Variants in CASZ1 observed in about 807,000 individuals in gnomAD.
CASZ1 encodes zinc finger protein castor homolog 1.
CASZ1 carries 28 observed loss-of-function variants against 135.2 expected under a neutral mutation model. That is an observed-to-expected ratio of 0.21 (90% CI 0.15 to 0.28). The LOEUF is 0.28. CASZ1 is among the 10% of genes least tolerant of loss of function. The pLI is 1.00. For synonymous variants in CASZ1, 1,068 were observed against 1,073.4 expected, an observed-to-expected ratio of 0.99 and a Z score of 0.10; for missense variants, 2,161 against 2,453.3, an observed-to-expected ratio of 0.88 and a Z score of 2.52.
chr1:10,775,294 AC>A (rs1207642653), intron 1 of CASZ1, among the ~76,000 whole-genome samples: 1 of 151,100 alleles, frequency 6.6e-6, no homozygotes, highest in Non-Finnish European at 1.5e-5. Flanking sequence ...CTCTCCTATC[AC>A]CCCTTTCATT....
chr1:10,652,269 C>T (rs545985186), intron 11 of CASZ1: 2 of 152,260 alleles, frequency 1.3e-5, no homozygotes, highest in Non-Finnish European at 2.9e-5. Flanking sequence ...GCATCTAGGC[C>T]CAGGAGCCCC....
At chr1:10,653,299 C>G (rs1205476579) in intron 11 of CASZ1, 78 bp downstream of exon 11, 2 of 1,431,700 alleles carry the variant, frequency 1.4e-6, no homozygotes, top group Admixed American at 3.4e-5. Context: ...CCCCCCGACT[C>G]TGCTCTGCAG....
At position 10,638,108 on chromosome 1, in the gene CASZ1, T is replaced by A. The variant is rs559975152; in HGVS notation, c.*834A>T. The A allele has an allele frequency of 6.6e-6, 1 of 152,558 alleles. No homozygotes were observed. The highest frequency in any genetic ancestry group is 2.1e-4 in the South Asian group (1 of 4,822). The allele number at this position is 152,558 out of a possible 1,614,324, so 9.5% of individuals were successfully genotyped here. A position where few individuals can be genotyped will look rare whatever the true frequency, so the allele number is the denominator to read the frequency against. On this transcript the variant is annotated 3_prime_UTR_variant, in exon 21 of 21. Coordinates refer to ENST00000377022, the MANE Select transcript of CASZ1 (RefSeq NM_001079843.3). This position sits in a 1 kb window ranked among gnomAD's most constrained non-coding sequence, Gnocchi z 5.9. Reference sequence around the variant, plus strand: ...GGGTCTGCACTCTCACCACGCCTGCTTTCTTCCTTTTTGTTCTATGTAGAA... The same window carrying A: ...GGGTCTGCACTCTCACCACGCCTGCATTCTTCCTTTTTGTTCTATGTAGAA...
At chr1:10,728,313 C>T (rs1229921870) in intron 2 of CASZ1, among the ~76,000 whole-genome samples, 1 of 152,252 alleles carries the variant, frequency 6.6e-6, no homozygotes, top group African/African-American at 2.4e-5. Context: ...ACCCTCCCGC[C>T]CCCTCTGTGC....
chr1:10,739,406 G>A lies in CASZ1; in HGVS notation c.-77+21295C>T, dbSNP rs1321800447. Among the ~76,000 whole-genome samples the A allele has an allele frequency of 2.6e-5, 4 of 152,020 alleles. No individual in the cohort carries two copies. The highest frequency in any genetic ancestry group is 6.5e-5 in the Admixed American group (1 of 15,272). The stretch of plus-strand genomic sequence containing the variant: ...GGTGAGGAGGAGGAGGACCACATGC[G>A]CAGGGAAGGGCATGGGGCACAGCAT... On this transcript the variant is annotated intron_variant, in intron 2 of 20. Coordinates refer to ENST00000377022, the MANE Select transcript of CASZ1 (RefSeq NM_001079843.3). This position sits in a 1 kb window ranked among gnomAD's most constrained non-coding sequence, Gnocchi z 4.8.
intron 4 of CASZ1, among the ~76,000 whole-genome samples, chr1:10,672,709 C>T (rs1643445903): frequency 2.0e-5 from 3 of 152,124 alleles, no homozygotes; most frequent in Admixed American, 1.3e-4. Context: ...TTATGTTTGT[C>T]CCTCAATAGA....
chr1:10,727,703 A>C lies in CASZ1; in HGVS notation c.-76-22159T>G, dbSNP rs1639622638. 6.6e-6 allele frequency among the ~76,000 whole-genome samples: 1 copy of C among 152,138 alleles called. No homozygotes were observed. The highest frequency in any genetic ancestry group is 2.4e-5 in the African/African-American group (1 of 41,434). ...GCACCCTAGGGTTCAGGGTGCTAGG[A>C]AGCAAAAGTGGAGCTGAGAAGCTGG... On this transcript the variant is annotated intron_variant, in intron 2 of 20. Transcript: ENST00000377022. The surrounding 1 kb of genome is among the most constrained non-coding windows in gnomAD (Gnocchi z 5.3).
At position 10,660,418 on chromosome 1, in the gene CASZ1, C is replaced by G; in HGVS notation, c.624G>C (p.Lys208Asn). 6.2e-7 allele frequency: 1 copy of G among 1,614,210 alleles called. No homozygotes were observed. The highest frequency in any genetic ancestry group is 2.2e-5 in the East Asian group (1 of 44,880). ...DELARKISFEKLHAGSTPEAA... is the reference protein window; with the variant it reads ...DELARKISFENLHAGSTPEAA... ...CCTCCGGGGTGGAGCCCGCGTGCAG[C>G]TTCTCAAAGCTGATCTTCCTGGCCA... is the stretch of plus-strand genomic sequence containing the variant. The change falls in exon 6 of 21, where the codon AAG (lysine) becomes AAC (asparagine). Residue 208 changes from lysine (K) to asparagine (N), a missense_variant. Physicochemically the swap from Lys to Asn is moderately conservative, Grantham distance 94. This residue lies in a region of CASZ1 where 590 missense variants were observed against 609.8 expected (regional missense o/e 0.97). Coordinates refer to ENST00000377022, the MANE Select transcript of CASZ1 (RefSeq NM_001079843.3).
intron 2 of CASZ1, among the ~76,000 whole-genome samples, chr1:10,734,898 A>G (rs1201831006): frequency 1.3e-5 from 2 of 152,088 alleles, no homozygotes; most frequent in Non-Finnish European, 2.9e-5. Context: ...ACTGTTTAAA[A>G]ACAATTACTG....
At chr1:10,723,156 G>C (rs879562737) in intron 2 of CASZ1, among the ~76,000 whole-genome samples, 2 of 152,230 alleles carry the variant, frequency 1.3e-5, no homozygotes, top group Non-Finnish European at 2.9e-5. Context: ...GCTGTAAACC[G>C]GACGTGGGAA....
intron 1 of CASZ1, among the ~76,000 whole-genome samples, chr1:10,772,909 C>T (rs529504236): frequency 8.1e-4 from 123 of 152,308 alleles, no homozygotes; most frequent in African/African-American, 2.7e-3. Flanking sequence ...TCTGGGACCT[C>T]CGCCTGCCAT....
intron 2 of CASZ1, among the ~76,000 whole-genome samples, chr1:10,712,563 C>T (rs1639305890): frequency 6.6e-6 from 1 of 152,032 alleles, no homozygotes; most frequent in Non-Finnish European, 1.5e-5. Context: ...AGGTGAGACA[C>T]GGTGACTTCA....
chr1:10,727,481 C>CCT lies in CASZ1; in HGVS notation c.-76-21938_-76-21937insAG, dbSNP rs1639618618. 6.6e-6 allele frequency among the ~76,000 whole-genome samples: 1 copy of CCT among 151,800 alleles called. No individual in the cohort carries two copies. Among genetic ancestry groups the CCT allele is most frequent in the Non-Finnish European group, 1.5e-5 (1 of 67,920 alleles). ...CGGGCCCAGGGGATTCAGCACAGCC[C>CCT]AACAGTGCCCCAGTGCCCACCCTCT... On this transcript the variant is annotated intron_variant, in intron 2 of 20. Transcript: ENST00000377022. This position sits in a 1 kb window ranked among gnomAD's most constrained non-coding sequence, Gnocchi z 5.3.
intron 5 of CASZ1, among the ~76,000 whole-genome samples, chr1:10,664,463 GC>G (rs1199993647): frequency 6.6e-6 from 1 of 152,172 alleles, no homozygotes; most frequent in Non-Finnish European, 1.5e-5. Flanking sequence ...GGGGACCGTG[GC>G]CGGGGCAGCT....
At chr1:10,703,813 T>C (rs1639112804) in intron 3 of CASZ1, among the ~76,000 whole-genome samples, 1 of 152,202 alleles carries the variant, frequency 6.6e-6, no homozygotes, top group Admixed American at 6.5e-5. Context: ...CATTCAACTC[T>C]CTCTGCAAGT....
At chr1:10,664,964 G>C in intron 5 of CASZ1, 119 bp downstream of exon 5, 1 of 1,185,600 alleles carries the variant, frequency 8.4e-7, no homozygotes, top group Non-Finnish European at 1.1e-6. Context: ...TGGGTGGGAT[G>C]AGGGGCCGGT....
chr1:10,663,445 C>T (rs900391594), intron 5 of CASZ1, among the ~76,000 whole-genome samples: 1 of 152,176 alleles, frequency 6.6e-6, no homozygotes, highest in African/African-American at 2.4e-5. Context: ...GCGGGTCAGC[C>T]GCTGTCCTGA....
At chr1:10,753,584 T>A (rs575624785) in intron 2 of CASZ1, among the ~76,000 whole-genome samples, 1 of 152,260 alleles carries the variant, frequency 6.6e-6, no homozygotes, top group East Asian at 1.9e-4. Context: ...GCGCTTGGAC[T>A]TCAGATAAAG....
intron 1 of CASZ1, among the ~76,000 whole-genome samples, chr1:10,769,702 A>G (rs1640540703): frequency 6.6e-6 from 1 of 152,112 alleles, no homozygotes; most frequent in African/African-American, 2.4e-5. Context: ...TTTTTAGTAG[A>G]GACAGGGTTT....
Sources: gnomAD v4.1 joint callset for allele counts (sites outside exome capture counted in the v4.1 genomes callset) on GRCh38, gnomAD v4.1.1 for gene constraint, gnomAD v4.1.1 regional missense constraint, Gnocchi (gnomAD v3.1) non-coding constraint, MANE v1.5 for transcripts, NCBI Gene and HGNC (gene_info 2026-07-23, HGNC 2026-07-21) for gene names.